PTK2: variants seen among roughly 807,000 people sequenced by gnomAD.
The protein encoded by PTK2 is protein tyrosine kinase 2.
A neutral mutation model predicts 150.1 loss-of-function variants in PTK2; 45 were observed. That is an observed-to-expected ratio of 0.30 (90% CI 0.24 to 0.38). PTK2 has a LOEUF of 0.38. Ranked by LOEUF, PTK2 falls within the 10% of genes least tolerant of loss-of-function variation. PTK2 has a pLI of 1.00. For synonymous variants in PTK2, 432 were observed against 449.2 expected, an observed-to-expected ratio of 0.96 and a Z score of 0.48; for missense variants, 919 against 1,307.3, an observed-to-expected ratio of 0.70 and a Z score of 4.58.
In PTK2 at chr8:140,696,314, C is replaced by G. The variant is rs1440535880; in HGVS notation, c.2499+4577G>C. ...AAGGCAGTTAAGTCACAGTTGTTGC[C>G]CTTAAGGAACTTACGTTTTATTAGA... On this transcript the variant is annotated intron_variant, in intron 26 of 31. Coordinates refer to ENST00000522684, the Ensembl canonical transcript of PTK2. 5.3e-5 allele frequency among the ~76,000 whole-genome samples: 8 copies of G among 152,172 alleles called. No individual in the cohort carries two copies. The East Asian group carries it at 1.2e-3, about 22-fold the overall frequency.
chr8:140,803,777 A>C, intron 10 of PTK2, 127 bp from the exon 11 acceptor site: 1 of 824,742 alleles, frequency 1.2e-6, no homozygotes, highest in Non-Finnish European at 1.9e-6. Flanking sequence ...TCTGGGGAAA[A>C]AAACAGATTC....
In PTK2 at chr8:140,726,894, A is replaced by G. The variant is rs189899188; in HGVS notation, c.2030+8357T>C. 1.8e-3 allele frequency among the ~76,000 whole-genome samples: 271 copies of G among 152,326 alleles called. 1 individual carries two copies. The highest frequency in any genetic ancestry group is 2.6e-3 in the Non-Finnish European group (180 of 68,016). ...ATCATAAACTAATTTTGTGGGGTTA[A>G]TGGCATATGTGAATGTAACATACAT... On this transcript the variant is annotated intron_variant, in intron 22 of 31. Transcript: ENST00000522684.
chr8:140,898,085 A>T (rs1040012568), intron 2 of PTK2, among the ~76,000 whole-genome samples: 4 of 152,236 alleles, frequency 2.6e-5, no homozygotes, highest in Non-Finnish European at 5.9e-5. Context: ...GAACCAGTTT[A>T]AATTTCCAAC....
chr8:140,921,362 T>C (rs1262002651), intron 2 of PTK2: 1 of 172,346 alleles, frequency 5.8e-6, no homozygotes, highest in Non-Finnish European at 1.2e-5. Flanking sequence ...TGACAACCGA[T>C]TCTAAAATTG....
At chr8:140,804,716 G>A (rs1276204545) in intron 10 of PTK2, among the ~76,000 whole-genome samples, 1 of 152,170 alleles carries the variant, frequency 6.6e-6, no homozygotes, top group Non-Finnish European at 1.5e-5. Context: ...CCACTAGAAC[G>A]GAGTTGGAAT....
At chr8:140,807,956 G>A (rs1395593774) in intron 10 of PTK2, among the ~76,000 whole-genome samples, 1 of 152,138 alleles carries the variant, frequency 6.6e-6, no homozygotes, top group Admixed American at 6.5e-5. Flanking sequence ...AGGGGTGGAC[G>A]GTGGTAGTGT....
At chr8:140,973,390 T>C (rs550667911) in intron 1 of PTK2, among the ~76,000 whole-genome samples, 215 of 152,278 alleles carry the variant, frequency 1.4e-3, no homozygotes, top group Non-Finnish European at 2.5e-3. Context: ...TTCTGGGTTA[T>C]TTACTTACTC....
chr8:140,746,251 A>G (rs2100058671), intron 18 of PTK2, among the ~76,000 whole-genome samples: 2 of 152,054 alleles, frequency 1.3e-5, no homozygotes, highest in Admixed American at 1.3e-4. Flanking sequence ...AGATCGCTTG[A>G]GCCCAGGAGG....
At chr8:140,674,327 G>A in exon 29 of PTK2, 1 of 1,607,468 alleles carries the variant, frequency 6.2e-7, no homozygotes, top group Non-Finnish European at 8.5e-7. Context: ...CTGTCAGCAG[G>A]GCTGCTGAGG....
chr8:140,906,640 T>G (rs1026637133), intron 2 of PTK2, among the ~76,000 whole-genome samples: 2 of 151,940 alleles, frequency 1.3e-5, no homozygotes, highest in Admixed American at 6.5e-5. Flanking sequence ...TAGAGTAGAG[T>G]GGTGGTTACC....
chr8:140,768,627 CAAA>C (rs1433179122), intron 14 of PTK2, among the ~76,000 whole-genome samples: 3 of 152,152 alleles, frequency 2.0e-5, no homozygotes, highest in African/African-American at 7.2e-5. Flanking sequence ...TCCTCACCTG[CAAA>C]ACAGTGAGGA....
At chr8:140,834,341 G>A (rs888210041) in intron 7 of PTK2, among the ~76,000 whole-genome samples, 3 of 152,174 alleles carry the variant, frequency 2.0e-5, no homozygotes, top group Admixed American at 2.0e-4. Flanking sequence ...AGGTATAGAG[G>A]CATGAGGAGA....
rs117091053 is a variant in PTK2 at position 140,658,314 on chromosome 8, A to T, written c.*1152T>A. The T allele has an allele frequency of 6.8e-3, 1,156 of 170,538 alleles. 9 individuals are homozygous for T. The highest frequency in any genetic ancestry group is 0.012 in the Non-Finnish European group (909 of 78,558). 10.6% of individuals were successfully genotyped at this position (170,538 alleles called of 1,614,324 possible). A position where few individuals can be genotyped will look rare whatever the true frequency, so the allele number is the denominator to read the frequency against. ...AGAGGCTTCCTGATAATTATTGGGA[A>T]CTCTCTTGTATGTTATCTTATCTGA... On this transcript the variant is annotated 3_prime_UTR_variant, in exon 32 of 32. Transcript: ENST00000522684.
At chr8:140,720,051 C>T (rs956734620) in intron 22 of PTK2, among the ~76,000 whole-genome samples, 1 of 152,094 alleles carries the variant, frequency 6.6e-6, no homozygotes. Context: ...CTGTCCCAGG[C>T]ACTGGGGGTG....
intron 1 of PTK2, among the ~76,000 whole-genome samples, chr8:140,970,341 G>A (rs1319046489): frequency 5.9e-5 from 9 of 152,236 alleles, no homozygotes; most frequent in Non-Finnish European, 5.9e-5. Flanking sequence ...GATCCTCAGA[G>A]AAGTGAAACA....
At chr8:140,915,071 G>C (rs1474249282) in intron 2 of PTK2, among the ~76,000 whole-genome samples, 1 of 146,750 alleles carries the variant, frequency 6.8e-6, no homozygotes, top group Non-Finnish European at 1.5e-5. Flanking sequence ...CTACGTCTTA[G>C]GCACTGGGAA....
intron 1 of PTK2, among the ~76,000 whole-genome samples, chr8:140,964,546 A>AC (rs2100184545): frequency 8.1e-6 from 1 of 122,950 alleles, no homozygotes; most frequent in African/African-American, 3.2e-5. Context: ...AGCCCCAGGT[A>AC]ATTTTTTTTT....
intron 1 of PTK2, among the ~76,000 whole-genome samples, chr8:140,995,075 C>T (rs1381746622): frequency 7.4e-6 from 1 of 134,714 alleles, no homozygotes; most frequent in Non-Finnish European, 1.6e-5. Context: ...AAGAGTGAAA[C>T]TCTGTCTCAA....
chr8:140,746,084 C>T (rs1264381973), intron 18 of PTK2, among the ~76,000 whole-genome samples: 1 of 151,840 alleles, frequency 6.6e-6, no homozygotes, highest in East Asian at 1.9e-4. Flanking sequence ...GTAATCAGAA[C>T]ACTTTGCGAG....
Sources: allele counts gnomAD v4.1 joint callset (sites outside exome capture counted in the v4.1 genomes callset), GRCh38; gene constraint gnomAD v4.1.1; transcripts MANE v1.5; gene names NCBI Gene and HGNC (gene_info 2026-07-23, HGNC 2026-07-21).